The following ADGRB3 variants were observed in gnomAD, a reference collection of about 807,000 sequenced individuals.
ADGRB3 encodes the protein brain-specific angiogenesis inhibitor 3.
ADGRB3 carries 37 observed loss-of-function variants against 193.4 expected under a neutral mutation model. The ratio of observed to expected loss-of-function variants is 0.19; its 90% CI spans 0.15 to 0.25. The LOEUF is 0.25. Ranked by LOEUF, ADGRB3 falls within the 10% of genes least tolerant of loss-of-function variation. The probability of loss-of-function intolerance (pLI) is 1.00; values close to 1 mark genes in which losing one functional copy is unlikely to be tolerated. For synonymous variants in ADGRB3, 690 were observed against 644.2 expected (o/e 1.07, Z -1.08); for missense variants, 1,637 against 1,852.9 (o/e 0.88, Z 2.14).
chr6:69,093,138 G>C (rs894631983), intron 17 of ADGRB3, among the ~76,000 whole-genome samples: 3 of 151,566 alleles, frequency 2.0e-5, no homozygotes, highest in Non-Finnish European at 4.4e-5. Context: ...AGATAGAGGG[G>C]ACTGGAAGCC....
chr6:68,662,466 T>C (rs1768686957), intron 3 of ADGRB3, among the ~76,000 whole-genome samples: 1 of 151,586 alleles, frequency 6.6e-6, no homozygotes, highest in Non-Finnish European at 1.5e-5. Flanking sequence ...ATACTGAGGC[T>C]TAAGTAAGGA....
At chr6:69,089,245 A>G (rs1261337880) in intron 17 of ADGRB3, among the ~76,000 whole-genome samples, 2 of 152,238 alleles carry the variant, frequency 1.3e-5, no homozygotes, top group South Asian at 2.1e-4. Context: ...AGTTCAAACT[A>G]TAATTAAACT....
chr6:69,223,729 T>C (rs1184144390), intron 17 of ADGRB3, among the ~76,000 whole-genome samples: 5 of 144,632 alleles, frequency 3.5e-5, no homozygotes, highest in Non-Finnish European at 7.5e-5. Context: ...TGATCTCAGC[T>C]CACTGCACCC....
chr6:69,309,530 A>G (rs1768137191), intron 20 of ADGRB3, among the ~76,000 whole-genome samples: 1 of 151,728 alleles, frequency 6.6e-6, no homozygotes, highest in South Asian at 2.1e-4. Flanking sequence ...TTTGAAATAT[A>G]CACTTAGTAT....
In ADGRB3 at chr6:69,382,945, C is replaced by T. The variant is rs371740405; in HGVS notation, c.4380+10C>T. ...AAATACAAGCAGTATGGTAAGTATG[C>T]TTTGCTTCAATGCCTGAGTAGAAGA... On this transcript the variant is annotated intron_variant, in intron 31 of 31. Coordinates refer to ENST00000370598, the MANE Select transcript of ADGRB3 (RefSeq NM_001704.3). 6.1e-5 allele frequency: 95 copies of T among 1,564,472 alleles called. No individual in the cohort carries two copies. In the African/African-American group the frequency reaches 1.0e-3, roughly 17 times the overall value.
rs548884570 is a variant in ADGRB3 at position 68,989,372 on chromosome 6, G to A, written c.1735-4396G>A. Among the ~76,000 whole-genome samples the A allele has an allele frequency of 3.9e-5, 6 of 152,166 alleles. No homozygotes were observed. The South Asian group carries it at 1.2e-3, about 32-fold the overall frequency. On this transcript the variant is annotated intron_variant, in intron 10 of 31. Coordinates refer to ENST00000370598, the MANE Select transcript of ADGRB3 (RefSeq NM_001704.3). ...GTAAAATATTGTCATTGAAATTAAT[G>A]AATAGAATAAATAGCCAATTAGATT...
chr6:68,987,094 T>C (rs996539597), intron 10 of ADGRB3, among the ~76,000 whole-genome samples: 4 of 152,114 alleles, frequency 2.6e-5, no homozygotes, highest in Non-Finnish European at 4.4e-5. Flanking sequence ...ACAGAAACTT[T>C]TAAGACTTGT....
chr6:69,081,605 A>C (rs886195942), intron 17 of ADGRB3, among the ~76,000 whole-genome samples: 14 of 151,874 alleles, frequency 9.2e-5, no homozygotes, highest in Non-Finnish European at 1.6e-4. Flanking sequence ...TTTCATATTC[A>C]CAATTGTGTG....
intron 11 of ADGRB3, among the ~76,000 whole-genome samples, chr6:69,004,956 T>C (rs1266728483): frequency 6.6e-6 from 1 of 152,106 alleles, no homozygotes; most frequent in Non-Finnish European, 1.5e-5. Context: ...TCTAAACTTG[T>C]GATGTGTGCA....
At chr6:68,919,319 G>A (rs1227141090) in intron 3 of ADGRB3, among the ~76,000 whole-genome samples, 1 of 151,360 alleles carries the variant, frequency 6.6e-6, no homozygotes. Context: ...TGGGCACTGT[G>A]TGTTTGTTAA....
chr6:69,365,031 A>G (rs1327355400), intron 29 of ADGRB3, among the ~76,000 whole-genome samples: 2 of 152,102 alleles, frequency 1.3e-5, no homozygotes. Flanking sequence ...TGAATCATTG[A>G]AACTCTGGTA....
At chr6:68,754,575 T>C (rs1035690459) in intron 3 of ADGRB3, among the ~76,000 whole-genome samples, 1 of 152,166 alleles carries the variant, frequency 6.6e-6, no homozygotes, top group African/African-American at 2.4e-5. Context: ...TATATTTGTA[T>C]TGAATGTTCA....
At chr6:68,834,971 A>T (rs1768019214) in intron 3 of ADGRB3, among the ~76,000 whole-genome samples, 1 of 151,970 alleles carries the variant, frequency 6.6e-6, no homozygotes, top group Non-Finnish European at 1.5e-5. Flanking sequence ...TATGTGAGTT[A>T]AAAAAAATCC....
intron 17 of ADGRB3, among the ~76,000 whole-genome samples, chr6:69,117,706 A>C (rs993967681): frequency 2.6e-5 from 4 of 152,162 alleles, no homozygotes; most frequent in African/African-American, 9.7e-5. Context: ...ACCCAAGACA[A>C]ATTTTCAGTG....
chr6:68,871,147 AG>A (rs1485090480), intron 3 of ADGRB3, among the ~76,000 whole-genome samples: 1 of 152,224 alleles, frequency 6.6e-6, no homozygotes, highest in Non-Finnish European at 1.5e-5. Context: ...TGATAAAAAA[AG>A]AATTGTTTTA....
intron 17 of ADGRB3, among the ~76,000 whole-genome samples, chr6:69,130,201 C>G (rs908352150): frequency 1.3e-5 from 2 of 151,950 alleles, no homozygotes; most frequent in Non-Finnish European, 2.9e-5. Context: ...ATTTGGGCCT[C>G]TTTTGAAAGG....
At chr6:69,172,517 G>A (rs1775298398) in intron 17 of ADGRB3, among the ~76,000 whole-genome samples, 1 of 151,390 alleles carries the variant, frequency 6.6e-6, no homozygotes, top group Admixed American at 6.6e-5. Flanking sequence ...GGTGGCGGGT[G>A]CCTGTAGTCC....
In ADGRB3 at chr6:69,246,577, A is replaced by G. The variant is rs147055920; in HGVS notation, c.2814+7351A>G. Among the ~76,000 whole-genome samples, 450 of 152,308 alleles carry G rather than the reference A, an allele frequency of 3.0e-3. 1 individual carries two copies. The highest frequency in any genetic ancestry group is 0.01 in the African/African-American group (423 of 41,572). On this transcript the variant is annotated intron_variant, in intron 20 of 31. Transcript: ENST00000370598. The stretch of plus-strand genomic sequence containing the variant: ...ATAGCAGAGACTCTGTTGTCCTACT[A>G]TAACCTCCTAGTCCCTTGATTATTC...
At chr6:68,662,621 G>A (rs182084575) in intron 3 of ADGRB3, among the ~76,000 whole-genome samples, 40 of 151,440 alleles carry the variant, frequency 2.6e-4, no homozygotes, top group Non-Finnish European at 4.6e-4. Flanking sequence ...TCTAGTGTCC[G>A]TACACAAAAG....
Sources: allele counts gnomAD v4.1 joint callset (sites outside exome capture counted in the v4.1 genomes callset), GRCh38; gene constraint gnomAD v4.1.1; transcripts MANE v1.5; gene names NCBI Gene and HGNC (gene_info 2026-07-23, HGNC 2026-07-21).